Variants in PGLYRP4 observed in about 807,000 individuals in gnomAD.
PGLYRP4 encodes PGRP-I-beta.
PGLYRP4 carries 39 observed loss-of-function variants against 41.2 expected under a neutral mutation model. The observed-to-expected ratio is 0.95, with a 90% CI of 0.73 to 1.24. The LOEUF (loss-of-function observed/expected upper bound fraction) is 1.24, where lower values mean the gene tolerates loss of function less well. Ranked by LOEUF, PGLYRP4 falls within the 50% of genes most tolerant of loss-of-function variation. The probability of loss-of-function intolerance (pLI) is 0.00; values close to 1 mark genes in which losing one functional copy is unlikely to be tolerated. For missense variants in PGLYRP4, 467 were observed against 460.7 expected (o/e 1.01, Z -0.13); for synonymous variants, 202 against 186.8 (o/e 1.08, Z -0.66).
intron 8 of PGLYRP4, among the ~76,000 whole-genome samples, chr1:153,333,457 C>T (rs748036081): frequency 6.6e-6 from 1 of 151,980 alleles, no homozygotes; most frequent in Admixed American, 6.6e-5. Context: ...ACAAAAAGCC[C>T]AGGACCAGAT....
At position 153,345,216 on chromosome 1, in the gene PGLYRP4, C is replaced by T. The variant is rs749258242; in HGVS notation, c.306G>A (p.Leu102=). The change falls in exon 4 of 9, where the codon CTG becomes CTA. Residue 102 remains leucine, a synonymous_variant. Transcript: ENST00000359650. ...QTVCSQRLRE[L]QAHHVHNNSG... Reference sequence around the variant, plus strand: ...TGTTGTTGTGGACATGATGGGCCTGCAGTTCCCGCAGTCTCTGGCTGCAGA... The same window carrying T: ...TGTTGTTGTGGACATGATGGGCCTGTAGTTCCCGCAGTCTCTGGCTGCAGA... 2 of 1,613,962 alleles carry T rather than the reference C, an allele frequency of 1.2e-6. No individual in the cohort carries two copies. The highest frequency in any genetic ancestry group is 2.2e-5 in the South Asian group (2 of 91,086).
chr1:153,333,295 T>G (rs1251520506), intron 8 of PGLYRP4, among the ~76,000 whole-genome samples: 2 of 152,148 alleles, frequency 1.3e-5, no homozygotes, highest in East Asian at 3.8e-4. Flanking sequence ...TGAGCATCTC[T>G]ATGCATATAA....
chr1:153,330,905 G>A lies in PGLYRP4; in HGVS notation c.984C>T (p.Asp328=), dbSNP rs761010131. 1 of 1,614,030 alleles carries A rather than the reference G, an allele frequency of 6.2e-7. No individual in the cohort carries two copies. Among genetic ancestry groups the A allele is most frequent in the East Asian group, 2.2e-5 (1 of 44,872 alleles). Residue 328 remains aspartate (D), a synonymous_variant, in exon 9 of 9, where the codon GAC becomes GAT. Coordinates refer to ENST00000359650, the MANE Select transcript of PGLYRP4 (RefSeq NM_020393.4). The part of the protein sequence containing the change: ...PNAAALEAAQ[D]LIQCAMVKGY... The stretch of plus-strand genomic sequence containing the variant: ...CTTTGACCATGGCACACTGGATCAG[G>A]TCTTGGGCTGCCTCTAGTGCTGCAG...
At chr1:153,346,847 T>G (rs190976290) in intron 2 of PGLYRP4, among the ~76,000 whole-genome samples, 85 of 152,356 alleles carry the variant, frequency 5.6e-4, no homozygotes, top group Admixed American at 1.2e-3. Flanking sequence ...AGGTGCATTA[T>G]CTCATTTAAT....
chr1:153,346,264 G>A (rs1053517615), intron 2 of PGLYRP4, 73 bp from the exon 3 acceptor site: 24 of 1,106,324 alleles, frequency 2.2e-5, no homozygotes, highest in Non-Finnish European at 3.3e-5. Flanking sequence ...GCTCTGAACA[G>A]AAACAGCCAT....
chr1:153,346,317 C>T, intron 2 of PGLYRP4, 126 bp from the exon 3 acceptor site: 1 of 742,766 alleles, frequency 1.3e-6, no homozygotes, highest in South Asian at 1.6e-5. Context: ...CCCAGAGCCT[C>T]CTCTAAGAAA....
intron 4 of PGLYRP4, 47 bp downstream of exon 4, chr1:153,345,122 G>A: frequency 1.4e-6 from 2 of 1,447,070 alleles, no homozygotes; most frequent in Non-Finnish European, 9.6e-7. Flanking sequence ...AGCATCCCAG[G>A]GAAGCAACAC....
intron 8 of PGLYRP4, among the ~76,000 whole-genome samples, chr1:153,335,276 A>G (rs1660508087): frequency 6.6e-6 from 1 of 152,214 alleles, no homozygotes; most frequent in Non-Finnish European, 1.5e-5. Flanking sequence ...GAATGGAGAA[A>G]ATGTTTGCAA....
In PGLYRP4 at chr1:153,345,335, C is replaced by T; in HGVS notation, c.187G>A (p.Ala63Thr). ...TGAATACTGCAGCCAACAGCTTCTG[C>T]CCCCCATGCCTTGCGAGAGACCGTG... Reference protein sequence around the residue: ...STTVSRKAWGAEAVGCSIQLT... With the variant: ...STTVSRKAWGTEAVGCSIQLT... The change falls in exon 4 of 9, where the codon GCA becomes ACA. Residue 63 changes from alanine to threonine, a missense_variant. Physicochemically the swap from Ala to Thr is moderately conservative, Grantham distance 58. Coordinates refer to ENST00000359650, the MANE Select transcript of PGLYRP4 (RefSeq NM_020393.4). The T allele has an allele frequency of 1.2e-6, 2 of 1,614,124 alleles. No homozygotes were observed. The highest frequency in any genetic ancestry group is 1.3e-5 in the African/African-American group (1 of 75,026).
chr1:153,334,192 T>C (rs559915675), intron 8 of PGLYRP4, among the ~76,000 whole-genome samples: 1 of 152,050 alleles, frequency 6.6e-6, no homozygotes, highest in East Asian at 1.9e-4. Flanking sequence ...TAATAAATAA[T>C]TTCAGTAGTT....
chr1:153,344,731 G>A (rs1444546771), intron 4 of PGLYRP4, among the ~76,000 whole-genome samples: 1 of 152,180 alleles, frequency 6.6e-6, no homozygotes, highest in Non-Finnish European at 1.5e-5. Flanking sequence ...AGCACGCCAG[G>A]GATGAAGAGA....
At chr1:153,337,363 G>A (rs528414512) in intron 7 of PGLYRP4, 64 bp from the exon 8 acceptor site, 3 of 973,928 alleles carry the variant, frequency 3.1e-6, no homozygotes, top group African/African-American at 3.3e-5. Flanking sequence ...TCTCTTTCAT[G>A]TATTAATTTA....
chr1:153,344,227 G>A (rs547709681), intron 4 of PGLYRP4, among the ~76,000 whole-genome samples: 10 of 152,304 alleles, frequency 6.6e-5, no homozygotes, highest in Admixed American at 2.0e-4. Flanking sequence ...ACCAGTCCTC[G>A]ACTGTCGAGC....
chr1:153,334,309 T>C (rs1347993644), intron 8 of PGLYRP4, among the ~76,000 whole-genome samples: 2 of 151,178 alleles, frequency 1.3e-5, no homozygotes, highest in Non-Finnish European at 3.0e-5. Context: ...TAGCTACATA[T>C]AGATAGATAT....
intron 7 of PGLYRP4, among the ~76,000 whole-genome samples, chr1:153,337,775 G>A (rs1660628756): frequency 6.6e-6 from 1 of 152,004 alleles, no homozygotes; most frequent in South Asian, 2.1e-4. Context: ...TTCCCCCAAG[G>A]TGACCCAGGA....
At chr1:153,335,347 G>C (rs1660510385) in intron 8 of PGLYRP4, among the ~76,000 whole-genome samples, 4 of 152,020 alleles carry the variant, frequency 2.6e-5, no homozygotes, top group African/African-American at 7.2e-5. Context: ...CAACTTTTAA[G>C]GAAAAAAGTC....
At position 153,346,201 on chromosome 1, in the gene PGLYRP4, AATATCCC is replaced by A. The variant is rs764523290; in HGVS notation, c.50-17_50-11del. The A allele has an allele frequency of 4.4e-6, 7 of 1,606,240 alleles. No homozygotes were observed. The highest frequency in any genetic ancestry group is 6.0e-6 in the Non-Finnish European group (7 of 1,172,960). On this transcript the variant is annotated splice_polypyrimidine_tract_variant and intron_variant, in intron 2 of 8. Transcript: ENST00000359650. ...TTCCAGGAGGAATCACCTGCAAAGG[AATATCCC>A]ATTTTGCATCAGAGAGCACCAATAC...
intron 7 of PGLYRP4, among the ~76,000 whole-genome samples, chr1:153,337,512 A>C (rs551942212): frequency 6.6e-6 from 1 of 152,302 alleles, no homozygotes; most frequent in Non-Finnish European, 1.5e-5. Flanking sequence ...AGGGAGAGGG[A>C]ATCCCAATTT....
In PGLYRP4 at chr1:153,345,365, A is replaced by G; in HGVS notation, c.157T>C (p.Ser53Pro). ...CATGCCTTGCGAGAGACCGTGGTGG[A>G]GACATCTGTGGGAAGGCCTTGGGGA... ...LTEKGLPTDV[S>P]TTVSRKAWGA... The change falls in exon 4 of 9, where the codon TCC becomes CCC. Residue 53 changes from serine to proline, a missense_variant. Physicochemically the swap from Ser to Pro is moderately conservative, Grantham distance 74. Transcript: ENST00000359650. 6.2e-7 allele frequency: 1 copy of G among 1,614,102 alleles called. No individual in the cohort carries two copies. The highest frequency in any genetic ancestry group is 1.3e-5 in the African/African-American group (1 of 75,030).
Sources: gnomAD v4.1 joint callset for allele counts (sites outside exome capture counted in the v4.1 genomes callset) on GRCh38, gnomAD v4.1.1 for gene constraint, MANE v1.5 for transcripts, NCBI Gene and HGNC (gene_info 2026-07-23, HGNC 2026-07-21) for gene names.